The following CFAP74 variants were observed in gnomAD, a reference collection of about 807,000 sequenced individuals.
CFAP74 encodes the protein cilia- and flagella-associated protein 74.
CFAP74 carries 124 observed loss-of-function variants against 188.9 expected under a neutral mutation model. The ratio of observed to expected loss-of-function variants is 0.66; its 90% confidence interval spans 0.57 to 0.76. The LOEUF is 0.76. Ranked by LOEUF, CFAP74 falls within the 30% of genes least tolerant of loss-of-function variation. The probability of loss-of-function intolerance (pLI) is 0.00; values close to 1 mark genes in which losing one functional copy is unlikely to be tolerated. For synonymous variants in CFAP74, 956 were observed against 916.7 expected (o/e 1.04, Z -0.77); for missense variants, 2,198 against 2,165.2 (o/e 1.02, Z -0.30).
chr1:1,969,491 C>A (rs1655773202), intron 10 of CFAP74, among the ~76,000 whole-genome samples: 1 of 151,350 alleles, frequency 6.6e-6, no homozygotes, highest in African/African-American at 2.4e-5. Context: ...CCCAGCCCTG[C>A]CCACTTCGCA....
At chr1:2,001,334 G>GTT (rs1187028525) in intron 1 of CFAP74, among the ~76,000 whole-genome samples, 8 of 143,592 alleles carry the variant, frequency 5.6e-5, no homozygotes, top group Non-Finnish European at 7.7e-5. Flanking sequence ...TTTTCATTTT[G>GTT]TTTTTTTTTT....
intron 33 of CFAP74, 81 bp from the exon 34 acceptor site, chr1:1,924,601 C>T (rs936898218): frequency 4.0e-6 from 6 of 1,493,744 alleles, no homozygotes; most frequent in African/African-American, 1.4e-5. Context: ...CAGGACTTGG[C>T]TGGTGCTATG....
In CFAP74 at chr1:1,932,890, C is replaced by T. The variant is rs536640575; in HGVS notation, c.3012-2554G>A. 2.1e-4 allele frequency among the ~76,000 whole-genome samples: 30 copies of T among 144,932 alleles called. 1 individual carries two copies. The highest frequency in any genetic ancestry group is 8.8e-4 in the South Asian group (4 of 4,560). On this transcript the variant is annotated intron_variant, in intron 25 of 38. Coordinates refer to ENST00000682832, the MANE Select transcript of CFAP74 (RefSeq NM_001304360.2). ...TACAGGTGTGAGACACTGTGCCCGACCTTTTTTTTTTTTGAGATGGGGTCT... is the reference window on the plus strand; with the variant it reads ...TACAGGTGTGAGACACTGTGCCCGATCTTTTTTTTTTTTGAGATGGGGTCT...
intron 16 of CFAP74, among the ~76,000 whole-genome samples, chr1:1,958,493 G>A (rs1654827767): frequency 6.6e-6 from 1 of 152,268 alleles, no homozygotes; most frequent in Non-Finnish European, 1.5e-5. Context: ...GCCGTTTGCT[G>A]TGTGGCAGGT....
intron 27 of CFAP74, 123 bp from the exon 28 acceptor site, chr1:1,927,869 A>G: frequency 8.6e-7 from 1 of 1,163,966 alleles, no homozygotes; most frequent in Non-Finnish European, 1.2e-6. Flanking sequence ...GAATGTGGGG[A>G]CGCAAAAGCC....
chr1:1,996,912 C>A, intron 1 of CFAP74, among the ~76,000 whole-genome samples: 1 of 114,880 alleles, frequency 8.7e-6, no homozygotes, highest in African/African-American at 3.6e-5. Flanking sequence ...CAGAGCAAGA[C>A]TCTGTCTCAA....
Position 1,973,185 on chromosome 1 carries a change from G to T in CFAP74, c.675-138C>A. On this transcript the variant is annotated intron_variant, in intron 7 of 38. Coordinates refer to ENST00000682832, the MANE Select transcript of CFAP74 (RefSeq NM_001304360.2). The surrounding 1 kb of genome is among the most constrained non-coding windows in gnomAD (Gnocchi z 6.2). Reference sequence around the variant, plus strand: ...AGCTCTGTCCCGCACAGCCTCCCTTGGGGAGGAGCGAGGGTCCCTGGAGAG... The same window carrying T: ...AGCTCTGTCCCGCACAGCCTCCCTTTGGGAGGAGCGAGGGTCCCTGGAGAG... 2 of 629,548 alleles carry T rather than the reference G, an allele frequency of 3.2e-6. No homozygotes were observed. The highest frequency in any genetic ancestry group is 5.5e-6 in the Non-Finnish European group (2 of 362,070). The allele number at this position is 629,548 out of a possible 1,614,324, so 39.0% of individuals were successfully genotyped here.
intron 18 of CFAP74, chr1:1,954,862 G>A: frequency 8.7e-7 from 1 of 1,152,564 alleles, no homozygotes; most frequent in Non-Finnish European, 1.1e-6. Context: ...CCCCAGCCAG[G>A]TGCCCTGTGG....
rs954778503 is a variant in CFAP74 at position 1,966,498 on chromosome 1, G to A, written c.1274C>T (p.Pro425Leu). ...GGAAACGACTTCCAGCAACCGAGAGGGCCCGGGGCCTGCAGCAGCCTCGTA... is the reference window on the plus strand; with the variant it reads ...GGAAACGACTTCCAGCAACCGAGAGAGCCCGGGGCCTGCAGCAGCCTCGTA... ...LDYEAAAGPG[P>L]SRLLEVVSSE... Residue 425 changes from proline (P) to leucine (L), a missense_variant, in exon 12 of 39, where the codon CCC becomes CTC. Pro to Leu is a moderately conservative substitution (Grantham distance 98). Coordinates refer to ENST00000682832, the MANE Select transcript of CFAP74 (RefSeq NM_001304360.2). 7 of 1,584,304 alleles carry A rather than the reference G, an allele frequency of 4.4e-6. No homozygotes were observed. The Admixed American group carries it at 1.1e-4, about 24-fold the overall frequency.
At position 1,940,356 on chromosome 1, in the gene CFAP74, C is replaced by G; in HGVS notation, c.2663G>C (p.Arg888Pro). Residue 888 changes from arginine (R) to proline (P), a missense_variant, in exon 23 of 39, where the codon CGA becomes CCA. Coordinates refer to ENST00000682832, the MANE Select transcript of CFAP74 (RefSeq NM_001304360.2). ...DAGRYFDKET[R>P]VLEAPMTIWV... is the part of the protein sequence containing the mutation. ...TATGGTCATCGGGGCCTCCAGGACT[C>G]GGGTCTCCTTGTCAAAATACCTCCC... 6.5e-7 allele frequency: 1 copy of G among 1,535,662 alleles called. No individual in the cohort carries two copies. The highest frequency in any genetic ancestry group is 8.7e-7 in the Non-Finnish European group (1 of 1,146,652).
At chr1:1,961,803 C>T (rs745901039) in intron 14 of CFAP74, among the ~76,000 whole-genome samples, 68 of 152,176 alleles carry the variant, frequency 4.5e-4, no homozygotes, top group Non-Finnish European at 6.6e-4. Context: ...AGGAAGGAGA[C>T]GGGAACAAAG....
At chr1:1,971,392 C>G (rs1656057330) in intron 9 of CFAP74, among the ~76,000 whole-genome samples, 1 of 149,942 alleles carries the variant, frequency 6.7e-6, no homozygotes, top group African/African-American at 2.5e-5. Flanking sequence ...CACACACGTG[C>G]ACACACGGTC....
intron 31 of CFAP74, 23 bp downstream of exon 31, chr1:1,926,434 C>A: frequency 6.5e-7 from 1 of 1,550,280 alleles, no homozygotes; most frequent in South Asian, 1.2e-5. Context: ...CGCAGGCCGC[C>A]TGAGCTGGGT....
At chr1:1,976,938 C>T (rs1012995868) in intron 6 of CFAP74, among the ~76,000 whole-genome samples, 1 of 152,088 alleles carries the variant, frequency 6.6e-6, no homozygotes, top group Non-Finnish European at 1.5e-5. Flanking sequence ...CTCCGCCTCC[C>T]GAGTTCACGC....
intron 18 of CFAP74, among the ~76,000 whole-genome samples, chr1:1,949,972 CA>C (rs1472163554): frequency 2.0e-5 from 3 of 152,152 alleles, no homozygotes; most frequent in Non-Finnish European, 4.4e-5. Context: ...AAGCTCTCTA[CA>C]AACATTCACA....
In CFAP74 at chr1:1,923,837, AGGT is replaced by A; in HGVS notation, c.4324_4326del (p.Thr1442del). 1 of 1,613,430 alleles carries A rather than the reference AGGT, an allele frequency of 6.2e-7. No individual in the cohort carries two copies. The highest frequency in any genetic ancestry group is 8.5e-7 in the Non-Finnish European group (1 of 1,179,814). The stretch of plus-strand genomic sequence containing the variant: ...TAGAGGCTTTCGTGGTCGGGGCTGA[AGGT>A]GACAGTGAAGTCTTGTGTCTTCCCG... On this transcript the variant is annotated inframe_deletion, in exon 35 of 39. Coordinates refer to ENST00000682832, the MANE Select transcript of CFAP74 (RefSeq NM_001304360.2). This position sits in a 1 kb window ranked among gnomAD's most constrained non-coding sequence, Gnocchi z 6.3.
chr1:1,990,067 G>A (rs768169530), intron 2 of CFAP74, among the ~76,000 whole-genome samples: 3 of 152,072 alleles, frequency 2.0e-5, no homozygotes, highest in Non-Finnish European at 4.4e-5. Context: ...AACTCTTAAC[G>A]TTACTGCCAA....
chr1:1,947,063 G>C lies in CFAP74; in HGVS notation c.2177-9C>G. On this transcript the variant is annotated splice_polypyrimidine_tract_variant and intron_variant, in intron 18 of 38. Coordinates refer to ENST00000682832, the MANE Select transcript of CFAP74 (RefSeq NM_001304360.2). ...GGTTAATCTCTCTGGTTCTGGAAGAGAAGGGGGATCCAGAGGTGAGGGTTG... is the reference window on the plus strand; with the variant it reads ...GGTTAATCTCTCTGGTTCTGGAAGACAAGGGGGATCCAGAGGTGAGGGTTG... The C allele has an allele frequency of 6.5e-7, 1 of 1,534,562 alleles. No homozygotes were observed. Among genetic ancestry groups the C allele is most frequent in the South Asian group, 1.2e-5 (1 of 84,010 alleles).
intron 21 of CFAP74, among the ~76,000 whole-genome samples, chr1:1,943,501 G>A (rs1170850382): frequency 1.3e-5 from 2 of 152,238 alleles, no homozygotes; most frequent in African/African-American, 4.8e-5. Context: ...GCTCCTTGGT[G>A]CTGGTGGCAC....
Sources: allele counts gnomAD v4.1 joint callset (sites outside exome capture counted in the v4.1 genomes callset), GRCh38; gene constraint gnomAD v4.1.1; non-coding constraint Gnocchi (gnomAD v3.1); transcripts MANE v1.5; gene names NCBI Gene and HGNC (gene_info 2026-07-23, HGNC 2026-07-21).